PCDH15: variants seen among roughly 807,000 people sequenced by gnomAD.
PCDH15 encodes protocadherin related 15.
Under a neutral mutation model 178.5 loss-of-function variants are expected in PCDH15, and 129 were observed. That is an observed-to-expected ratio of 0.72 (90% CI 0.63 to 0.84). The LOEUF is 0.84. Ranked by LOEUF, PCDH15 falls within the 40% of genes least tolerant of loss-of-function variation. The pLI, the probability that PCDH15 is intolerant of heterozygous loss-of-function variation, is 0.00. For synonymous variants in PCDH15, 800 were observed against 732.0 expected (o/e 1.09, Z -1.50); for missense variants, 2,230 against 2,099.9 (o/e 1.06, Z -1.21).
chr10:55,067,305 T>C (rs1841591074), intron 2 of PCDH15, among the ~76,000 whole-genome samples: 1 of 152,014 alleles, frequency 6.6e-6, no homozygotes, highest in Non-Finnish European at 1.5e-5. Flanking sequence ...AGTTTTTTGG[T>C]TCTCATATAT....
intron 1 of PCDH15, among the ~76,000 whole-genome samples, chr10:54,729,599 C>T (rs1943063598): frequency 6.6e-6 from 1 of 151,590 alleles, no homozygotes; most frequent in Non-Finnish European, 1.5e-5. Flanking sequence ...AAGAAACTAT[C>T]AACAGTGTAA....
rs1215872602 is a variant in PCDH15 at position 54,801,067 on chromosome 10, T to A, written c.-171A>T. ...CGATTCATTCACATGTTCCACCTCT[T>A]GTTTCTGTGAGGCATTGATATCCAC... On this transcript the variant is annotated 5_prime_UTR_variant, in exon 1 of 38. The change creates a premature stop within an existing upstream ORF in the 5' untranslated region. Coordinates refer to ENST00000644397, the MANE Select transcript of PCDH15 (RefSeq NM_001384140.1). The A allele has an allele frequency of 1.5e-4, 23 of 152,172 alleles. No homozygotes were observed. The highest frequency in any genetic ancestry group is 1.5e-3 in the Admixed American group (23 of 15,264). 9.4% of individuals were successfully genotyped at this position (152,172 alleles called of 1,614,324 possible).
intron 2 of PCDH15, among the ~76,000 whole-genome samples, chr10:55,562,190 C>A (rs1842213332): frequency 6.6e-6 from 1 of 151,884 alleles, no homozygotes; most frequent in South Asian, 2.1e-4. Flanking sequence ...TAACAAAGCA[C>A]TGAAGAACAC....
chr10:54,090,036 T>TTA lies in PCDH15; in HGVS notation c.1943_1944dup (p.Thr649Ter). 2 of 1,612,296 alleles carry TTA rather than the reference T, an allele frequency of 1.2e-6. No individual in the cohort carries two copies. The highest frequency in any genetic ancestry group is 1.7e-6 in the Non-Finnish European group (2 of 1,178,706). On this transcript the variant is annotated frameshift_variant, in exon 16 of 38. Coordinates refer to ENST00000644397, the MANE Select transcript of PCDH15 (RefSeq NM_001384140.1). LOFTEE classifies it high-confidence loss of function. ...GGATCTCCATTCTCAATGGCATATGTTATTGAGTCTCCCTCTCGATCAGTT... is the reference window on the plus strand; with the variant it reads ...GGATCTCCATTCTCAATGGCATATGTTATATTGAGTCTCCCTCTCGATCAGTT...
chr10:54,040,361 G>A (rs1437989137), intron 18 of PCDH15, among the ~76,000 whole-genome samples: 1 of 151,816 alleles, frequency 6.6e-6, no homozygotes, highest in Non-Finnish European at 1.5e-5. Context: ...TTTATAAGAG[G>A]TTTCCCCTTT....
At chr10:54,643,723 G>A in intron 2 of PCDH15, among the ~76,000 whole-genome samples, 1 of 149,214 alleles carries the variant, frequency 6.7e-6, no homozygotes, top group East Asian at 2.0e-4. Flanking sequence ...TGAAATCTGG[G>A]CTTTTAAATC....
At chr10:54,293,637 C>T (rs534802392) in intron 8 of PCDH15, among the ~76,000 whole-genome samples, 1 of 151,960 alleles carries the variant, frequency 6.6e-6, no homozygotes, top group African/African-American at 2.4e-5. Flanking sequence ...AACAAAAAAA[C>T]CCATTAAAAA....
chr10:54,991,099 A>G (rs191203803), intron 2 of PCDH15, among the ~76,000 whole-genome samples: 486 of 152,236 alleles, frequency 3.2e-3, no homozygotes, highest in Non-Finnish European at 5.0e-3. Context: ...TTTACATTCT[A>G]TTGGACATGA....
At chr10:54,628,619 C>A (rs886280883) in intron 2 of PCDH15, among the ~76,000 whole-genome samples, 1 of 152,014 alleles carries the variant, frequency 6.6e-6, no homozygotes, top group South Asian at 2.1e-4. Context: ...AATTATTATA[C>A]GTGATTAATT....
chr10:55,239,884 T>G (rs1195746828), intron 1 of PCDH15, among the ~76,000 whole-genome samples: 1 of 152,112 alleles, frequency 6.6e-6, no homozygotes, highest in African/African-American at 2.4e-5. Flanking sequence ...AATATCTGAA[T>G]AGACATTTCT....
chr10:54,030,717 G>T (rs1451479430), intron 18 of PCDH15, among the ~76,000 whole-genome samples: 1 of 151,548 alleles, frequency 6.6e-6, no homozygotes, highest in African/African-American at 2.4e-5. Flanking sequence ...AGCATTCAAG[G>T]CTCTACCTGG....
chr10:55,207,478 G>T (rs989714453), intron 1 of PCDH15, among the ~76,000 whole-genome samples: 8 of 152,080 alleles, frequency 5.3e-5, no homozygotes, highest in African/African-American at 1.9e-4. Flanking sequence ...TAGAAACTCT[G>T]AATTTGTTGT....
At chr10:54,103,030 G>T (rs949867420) in intron 15 of PCDH15, among the ~76,000 whole-genome samples, 1 of 152,182 alleles carries the variant, frequency 6.6e-6, no homozygotes. Flanking sequence ...ATGGAAGAAA[G>T]ATTAACAGCA....
intron 3 of PCDH15, among the ~76,000 whole-genome samples, chr10:54,430,603 T>C (rs368352677): frequency 3.3e-5 from 5 of 152,166 alleles, no homozygotes; most frequent in African/African-American, 1.2e-4. Flanking sequence ...AAACCTATGA[T>C]ATAACAAAAG....
intron 26 of PCDH15, among the ~76,000 whole-genome samples, chr10:53,898,199 CCT>C (rs1033973909): frequency 6.6e-6 from 1 of 151,820 alleles, no homozygotes; most frequent in African/African-American, 2.4e-5. Flanking sequence ...GATCTCCTGA[CCT>C]CGTGATCCGC....
At chr10:54,096,775 T>TG (rs1167643441) in intron 15 of PCDH15, among the ~76,000 whole-genome samples, 1 of 152,160 alleles carries the variant, frequency 6.6e-6, no homozygotes, top group African/African-American at 2.4e-5. Flanking sequence ...ACCATCACGT[T>TG]GGGGATTTTG....
At chr10:54,270,494 G>C (rs897463022) in intron 8 of PCDH15, among the ~76,000 whole-genome samples, 1 of 152,082 alleles carries the variant, frequency 6.6e-6, no homozygotes, top group African/African-American at 2.4e-5. Flanking sequence ...GAAGGTATGG[G>C]TAAGTTGGGG....
chr10:54,525,058 C>T (rs2083244106), intron 3 of PCDH15, among the ~76,000 whole-genome samples: 1 of 152,000 alleles, frequency 6.6e-6, no homozygotes, highest in African/African-American at 2.4e-5. Flanking sequence ...ATTTCTGTCC[C>T]ACAAATTATA....
intron 1 of PCDH15, among the ~76,000 whole-genome samples, chr10:54,722,205 G>A (rs181455544): frequency 6.6e-6 from 1 of 151,676 alleles, no homozygotes; most frequent in Admixed American, 6.6e-5. Context: ...TAAACATTGA[G>A]AAACATACCT....
Sources: gnomAD v4.1 joint callset for allele counts (sites outside exome capture counted in the v4.1 genomes callset) on GRCh38, gnomAD v4.1.1 for gene constraint, MANE v1.5 for transcripts, NCBI Gene and HGNC (gene_info 2026-07-23, HGNC 2026-07-21) for gene names.